The following CREB5 variants were observed in gnomAD, a reference collection of about 807,000 sequenced individuals.
CREB5 encodes the protein cyclic AMP-responsive element-binding protein 5.
Under a neutral mutation model 57.1 loss-of-function variants are expected in CREB5, and 19 were observed. That is an observed-to-expected ratio of 0.33 (90% confidence interval 0.23 to 0.49). The LOEUF (loss-of-function observed/expected upper bound fraction) is 0.49, where lower values mean the gene tolerates loss of function less well. Among genes scored for constraint, CREB5 ranks in the 20% least tolerant of loss-of-function variants. The probability of loss-of-function intolerance (pLI) is 0.99; values close to 1 mark genes in which losing one functional copy is unlikely to be tolerated. For missense variants in CREB5, 579 were observed against 671.6 expected (o/e 0.86, Z 1.52); for synonymous variants, 238 against 238.3 (o/e 1.00, Z 0.01).
chr7:28,649,154 CTG>C (rs1258021223), intron 5 of CREB5, among the ~76,000 whole-genome samples: 1 of 152,200 alleles, frequency 6.6e-6, no homozygotes, highest in Non-Finnish European at 1.5e-5. Context: ...GTTGAAATCT[CTG>C]TGATTCCTGG....
intron 5 of CREB5, among the ~76,000 whole-genome samples, chr7:28,650,251 C>T (rs1261246136): frequency 6.6e-6 from 1 of 152,194 alleles, no homozygotes. Flanking sequence ...TTCACATACA[C>T]CTTGAAACTC....
intron 5 of CREB5, among the ~76,000 whole-genome samples, chr7:28,576,078 C>T (rs772023086): frequency 3.2e-4 from 48 of 152,316 alleles, no homozygotes; most frequent in Admixed American, 9.8e-4. Context: ...CTCTCGTCTT[C>T]GAATCTGGTC....
At chr7:28,437,642 C>T (rs1789014432) in intron 1 of CREB5, among the ~76,000 whole-genome samples, 1 of 152,072 alleles carries the variant, frequency 6.6e-6, no homozygotes, top group Admixed American at 6.6e-5. Context: ...CAACAGGAAA[C>T]TTAAGGTGTA....
chr7:28,586,980 T>G (rs1583669084), intron 5 of CREB5, among the ~76,000 whole-genome samples: 1 of 152,174 alleles, frequency 6.6e-6, no homozygotes, highest in Non-Finnish European at 1.5e-5. Context: ...AGACCCAAGG[T>G]GGAAAGAGTG....
At chr7:28,599,501 G>T (rs1259727444) in intron 5 of CREB5, among the ~76,000 whole-genome samples, 3 of 152,148 alleles carry the variant, frequency 2.0e-5, no homozygotes, top group Non-Finnish European at 2.9e-5. Flanking sequence ...CTGTATGGGG[G>T]TGGAGGTGGG....
chr7:28,358,012 G>A (rs1786381055), intron 1 of CREB5, among the ~76,000 whole-genome samples: 1 of 152,148 alleles, frequency 6.6e-6, no homozygotes, highest in African/African-American at 2.4e-5. Flanking sequence ...AAAAGAGCCC[G>A]AGTTTTGGGG....
chr7:28,410,232 G>A (rs568339815), upstream of CREB5: 60 of 454,324 alleles, frequency 1.3e-4, no homozygotes, highest in African/African-American at 8.2e-4. Context: ...GGAGAGCGGC[G>A]AGGCTCCGTC....
chr7:28,625,420 G>A (rs1282382105), intron 5 of CREB5, among the ~76,000 whole-genome samples: 2 of 152,156 alleles, frequency 1.3e-5, no homozygotes, highest in Non-Finnish European at 2.9e-5. Context: ...CATTCTCAGT[G>A]CACAGGAGAC....
At chr7:28,806,763 A>G (rs1808753017) in intron 8 of CREB5, among the ~76,000 whole-genome samples, 1 of 152,206 alleles carries the variant, frequency 6.6e-6, no homozygotes, top group Non-Finnish European at 1.5e-5. Context: ...GGGTGAAGGC[A>G]CAGGAAAAGT....
In CREB5 at chr7:28,762,858, C is replaced by G. The variant is rs536320264; in HGVS notation, c.702+38526C>G. ...TTCAATGCTCCATTTTGTTTAATAG[C>G]TGAAACACATAACAAATCCATTAAA... On this transcript the variant is annotated intron_variant, in intron 7 of 10. Transcript: ENST00000357727. Among the ~76,000 whole-genome samples the G allele has an allele frequency of 2.6e-5, 4 of 152,052 alleles. No individual in the cohort carries two copies. The South Asian group carries it at 8.3e-4, about 31-fold the overall frequency.
At chr7:28,491,123 G>A (rs1168843378) in intron 2 of CREB5, 1 of 781,274 alleles carries the variant, frequency 1.3e-6, no homozygotes, top group Admixed American at 6.3e-5. Flanking sequence ...GGCAAGCATA[G>A]AGAACTCTTT....
intron 1 of CREB5, among the ~76,000 whole-genome samples, chr7:28,329,444 C>G (rs1298670464): frequency 6.6e-6 from 1 of 152,188 alleles, no homozygotes; most frequent in Admixed American, 6.5e-5. Context: ...GGGGCCGAAG[C>G]CTCTCAGGCT....
intron 7 of CREB5, among the ~76,000 whole-genome samples, chr7:28,766,086 T>TA (rs5883167): frequency 0.68 from 102,315 of 149,746 alleles, 35,184 homozygotes; most frequent in East Asian, 0.84. Context: ...ACACATCAAC[T>TA]AAAAAAAAAA....
chr7:28,701,754 A>G (rs1291713303), intron 5 of CREB5, among the ~76,000 whole-genome samples: 3 of 152,250 alleles, frequency 2.0e-5, no homozygotes, highest in Non-Finnish European at 4.4e-5. Flanking sequence ...TAATTGCTCC[A>G]TAAGTAAAAA....
chr7:28,739,809 C>G (rs1343337408), intron 7 of CREB5, among the ~76,000 whole-genome samples: 1 of 152,122 alleles, frequency 6.6e-6, no homozygotes, highest in East Asian at 1.9e-4. Flanking sequence ...AAATTCCTTA[C>G]CTTGGTTAAA....
Position 28,624,132 on chromosome 7 carries a change from A to G in CREB5, c.464+53595A>G, listed in dbSNP as rs1261429194. 7.9e-5 allele frequency among the ~76,000 whole-genome samples: 12 copies of G among 152,358 alleles called. No homozygotes were observed. The East Asian group carries it at 2.3e-3, about 29-fold the overall frequency. On this transcript the variant is annotated intron_variant, in intron 5 of 10. Coordinates refer to ENST00000357727, the MANE Select transcript of CREB5 (RefSeq NM_182898.4). Reference sequence around the variant, plus strand: ...TTACAAATAGATAAAGCACTCTGAAATACACAGACCAATAAGTAAGTGCAA... The same window carrying G: ...TTACAAATAGATAAAGCACTCTGAAGTACACAGACCAATAAGTAAGTGCAA...
chr7:28,728,117 T>A (rs1454715177), intron 7 of CREB5, among the ~76,000 whole-genome samples: 3 of 152,128 alleles, frequency 2.0e-5, no homozygotes, highest in African/African-American at 7.2e-5. Context: ...TTTTTTATAT[T>A]TTTGTCGAGA....
intron 1 of CREB5, among the ~76,000 whole-genome samples, chr7:28,422,650 G>A (rs1255513334): frequency 6.6e-6 from 1 of 152,180 alleles, no homozygotes; most frequent in East Asian, 1.9e-4. Flanking sequence ...TAAAATTGCT[G>A]CGGTTGAATG....
At chr7:28,458,549 T>C (rs1790214179) in intron 1 of CREB5, among the ~76,000 whole-genome samples, 1 of 152,182 alleles carries the variant, frequency 6.6e-6, no homozygotes, top group Non-Finnish European at 1.5e-5. Context: ...TAATCGCAAA[T>C]ATAGGCAGGC....
Sources: gnomAD v4.1 joint callset for allele counts (sites outside exome capture counted in the v4.1 genomes callset) on GRCh38, gnomAD v4.1.1 for gene constraint, MANE v1.5 for transcripts, NCBI Gene and HGNC (gene_info 2026-07-23, HGNC 2026-07-21) for gene names.